Variants in LIN52 observed in about 807,000 individuals in gnomAD.
LIN52 encodes lin-52 DREAM MuvB core complex component, also known as protein lin-52 homolog.
A neutral mutation model predicts 18.5 loss-of-function variants in LIN52; 4 were observed. The ratio of observed to expected loss-of-function variants is 0.22; its 90% confidence interval spans 0.11 to 0.49. The LOEUF is 0.49. LIN52 is among the 20% of genes least tolerant of loss of function. The pLI is 0.97. For missense variants in LIN52, 102 were observed against 139.5 expected (o/e 0.73, Z 1.35); for synonymous variants, 34 against 45.5 (o/e 0.75, Z 1.02).
chr14:74,126,727 T>C (rs1283222643), intron 5 of LIN52, among the ~76,000 whole-genome samples: 1 of 152,208 alleles, frequency 6.6e-6, no homozygotes, highest in Non-Finnish European at 1.5e-5. Flanking sequence ...TCCCAGGGCC[T>C]AGAGAAAGTG....
chr14:74,137,328 A>G (rs527710004), intron 5 of LIN52, among the ~76,000 whole-genome samples: 4 of 151,622 alleles, frequency 2.6e-5, no homozygotes, highest in Non-Finnish European at 5.9e-5. Flanking sequence ...TCCAACAAAA[A>G]TAATTTAAAA....
chr14:74,101,024 C>T (rs1218542351), intron 4 of LIN52, 131 bp from the exon 5 acceptor site: 10 of 714,900 alleles, frequency 1.4e-5, no homozygotes, highest in African/African-American at 3.7e-5. Context: ...GGAGGAGTTA[C>T]GGATCCATTT....
intron 5 of LIN52, among the ~76,000 whole-genome samples, chr14:74,135,209 C>T (rs1566857933): frequency 6.6e-6 from 1 of 152,146 alleles, no homozygotes. Flanking sequence ...GTCCTACAGT[C>T]GCGTACCACC....
intron 5 of LIN52, among the ~76,000 whole-genome samples, chr14:74,140,801 G>GTGA (rs1162255892): frequency 6.6e-6 from 1 of 152,224 alleles, no homozygotes; most frequent in Non-Finnish European, 1.5e-5. Context: ...AGTAATGTTA[G>GTGA]TGATGGTAAT....
At chr14:74,121,273 T>G (rs1370176174) in intron 5 of LIN52, among the ~76,000 whole-genome samples, 1 of 152,188 alleles carries the variant, frequency 6.6e-6, no homozygotes, top group Non-Finnish European at 1.5e-5. Flanking sequence ...TATTCAGCAA[T>G]TCTCCATTGC....
intron 5 of LIN52, among the ~76,000 whole-genome samples, chr14:74,156,239 C>A (rs1248914114): frequency 1.3e-5 from 2 of 152,162 alleles, no homozygotes; most frequent in African/African-American, 4.8e-5. Context: ...CCTTTTTTAG[C>A]AATAGCAGAA....
intron 5 of LIN52, among the ~76,000 whole-genome samples, chr14:74,187,743 C>G (rs1009131864): frequency 6.6e-6 from 1 of 152,102 alleles, no homozygotes; most frequent in African/African-American, 2.4e-5. Context: ...AATGTAATAG[C>G]AAAAACATTG....
At chr14:74,128,344 A>G (rs2061039616) in intron 5 of LIN52, among the ~76,000 whole-genome samples, 1 of 152,186 alleles carries the variant, frequency 6.6e-6, no homozygotes, top group African/African-American at 2.4e-5. Flanking sequence ...AGAGAGATCC[A>G]CAGAGGGTCC....
intron 5 of LIN52, among the ~76,000 whole-genome samples, chr14:74,146,955 C>G (rs1430331186): frequency 6.6e-6 from 1 of 152,016 alleles, no homozygotes; most frequent in East Asian, 1.9e-4. Flanking sequence ...ACAACTGGTG[C>G]TGGAAAACAA....
intron 5 of LIN52, among the ~76,000 whole-genome samples, chr14:74,127,187 G>C (rs142284551): frequency 6.6e-6 from 1 of 152,306 alleles, no homozygotes; most frequent in Non-Finnish European, 1.5e-5. Context: ...AGTTCCTGCT[G>C]TCATAAAGCT....
intron 5 of LIN52, among the ~76,000 whole-genome samples, chr14:74,196,847 C>T (rs1056545359): frequency 6.6e-5 from 10 of 152,158 alleles, no homozygotes; most frequent in South Asian, 2.1e-4. Flanking sequence ...ACATGCTCTC[C>T]GTTACAAATG....
intron 5 of LIN52, among the ~76,000 whole-genome samples, chr14:74,173,409 A>G (rs1032032493): frequency 1.3e-5 from 2 of 151,374 alleles, no homozygotes; most frequent in Admixed American, 1.3e-4. Flanking sequence ...CTCGTCTTGA[A>G]CTCCCAACCT....
chr14:74,098,878 T>A (rs1432999037), intron 4 of LIN52, among the ~76,000 whole-genome samples: 1 of 152,154 alleles, frequency 6.6e-6, no homozygotes, highest in Non-Finnish European at 1.5e-5. Context: ...CTAGCCTCTT[T>A]CCATTATAAC....
At chr14:74,168,134 A>C (rs898575121) in intron 5 of LIN52, among the ~76,000 whole-genome samples, 3 of 152,240 alleles carry the variant, frequency 2.0e-5, no homozygotes, top group African/African-American at 7.2e-5. Context: ...GCAGGTTATT[A>C]GGTGGGAGTT....
At chr14:74,098,588 C>A (rs1418645997) in intron 4 of LIN52, among the ~76,000 whole-genome samples, 1 of 148,184 alleles carries the variant, frequency 6.7e-6, no homozygotes, top group Non-Finnish European at 1.5e-5. Context: ...GCTTTTGTTG[C>A]CCAGGCTGGA....
At chr14:74,089,924 G>C (rs1294003856) in intron 1 of LIN52, among the ~76,000 whole-genome samples, 1 of 152,168 alleles carries the variant, frequency 6.6e-6, no homozygotes, top group Non-Finnish European at 1.5e-5. Context: ...GTAGGAGTCA[G>C]GGCGAGCACT....
intron 5 of LIN52, among the ~76,000 whole-genome samples, chr14:74,146,736 A>G (rs2061153779): frequency 6.6e-6 from 1 of 152,194 alleles, no homozygotes; most frequent in South Asian, 2.1e-4. Flanking sequence ...AATCTTGAAA[A>G]AGAACAAAGT....
intron 5 of LIN52, among the ~76,000 whole-genome samples, chr14:74,168,406 C>T (rs2061258169): frequency 2.0e-5 from 3 of 152,308 alleles, no homozygotes; most frequent in East Asian, 1.9e-4. Flanking sequence ...CGGTGGCTCA[C>T]GCCTGTAGTC....
intron 5 of LIN52, among the ~76,000 whole-genome samples, chr14:74,178,583 G>A (rs895918519): frequency 1.3e-5 from 2 of 151,472 alleles, no homozygotes; most frequent in Non-Finnish European, 2.9e-5. Context: ...TTAGCCTCCC[G>A]AGTAGCTGGG....
Sources: allele counts gnomAD v4.1 joint callset (sites outside exome capture counted in the v4.1 genomes callset), GRCh38; gene constraint gnomAD v4.1.1; transcripts MANE v1.5; gene names NCBI Gene and HGNC (gene_info 2026-07-23, HGNC 2026-07-21).